Variants in TRAPPC9 observed in about 807,000 individuals in gnomAD.
TRAPPC9 encodes IKK2 binding protein.
TRAPPC9 carries 83 observed loss-of-function variants against 124.0 expected under a neutral mutation model. That is an observed-to-expected ratio of 0.67 (90% CI 0.56 to 0.80). TRAPPC9 has a LOEUF of 0.80. Ranked by LOEUF, TRAPPC9 falls within the 30% of genes least tolerant of loss-of-function variation. The pLI is 0.00. For synonymous variants in TRAPPC9, 638 were observed against 617.5 expected (o/e 1.03, Z -0.49); for missense variants, 1,302 against 1,508.3 (o/e 0.86, Z 2.27).
chr8:140,403,887 A>C (rs1433487754), intron 6 of TRAPPC9, among the ~76,000 whole-genome samples: 2 of 151,930 alleles, frequency 1.3e-5, no homozygotes, highest in East Asian at 3.9e-4. Context: ...CAAACTCCTG[A>C]GCTCAGGCAA....
intron 21 of TRAPPC9, among the ~76,000 whole-genome samples, chr8:139,813,780 G>A (rs1174365535): frequency 6.6e-6 from 1 of 152,236 alleles, no homozygotes; most frequent in Non-Finnish European, 1.5e-5. Flanking sequence ...GCCCTAAGGA[G>A]CCCACAGAAT....
intron 21 of TRAPPC9, among the ~76,000 whole-genome samples, chr8:139,769,456 G>A (rs1170927660): frequency 6.6e-6 from 1 of 152,206 alleles, no homozygotes; most frequent in Non-Finnish European, 1.5e-5. Context: ...TGACGGGCAA[G>A]ATGTCACCAT....
At chr8:139,976,787 G>A (rs566255227) in intron 19 of TRAPPC9, among the ~76,000 whole-genome samples, 4 of 152,352 alleles carry the variant, frequency 2.6e-5, no homozygotes, top group Middle Eastern at 3.4e-3. Context: ...CGCCTTCTGC[G>A]GGGATACTGG....
intron 21 of TRAPPC9, among the ~76,000 whole-genome samples, chr8:139,814,228 T>C (rs1824659859): frequency 6.6e-6 from 1 of 152,232 alleles, no homozygotes; most frequent in Non-Finnish European, 1.5e-5. Context: ...GGGAGAATTA[T>C]GTCTGCTGGG....
chr8:139,872,260 GTGGATGGATGGA>G lies in TRAPPC9; in HGVS notation c.3055+13607_3055+13618del, dbSNP rs755108818. 3.1e-5 allele frequency among the ~76,000 whole-genome samples: 4 copies of G among 128,542 alleles called. No individual in the cohort carries two copies. In the South Asian group the frequency reaches 1.1e-3, roughly 37 times the overall value. The allele number at this position is 128,542 out of a possible 152,430, so 84.3% of individuals were successfully genotyped here. On this transcript the variant is annotated intron_variant, in intron 21 of 22. Transcript: ENST00000438773. ...GGTTGGTGTGTAAATGGTTGGATGA[GTGGATGGATGGA>G]TGGATGGATGGATGGGCGGGCTGGT... is the stretch of plus-strand genomic sequence containing the variant.
intron 19 of TRAPPC9, among the ~76,000 whole-genome samples, chr8:139,954,185 T>G (rs1834836740): frequency 6.6e-6 from 1 of 152,192 alleles, no homozygotes; most frequent in Non-Finnish European, 1.5e-5. Context: ...TTGGGGGTGA[T>G]GAATATGCTC....
At chr8:140,202,564 C>T (rs1359893983) in intron 17 of TRAPPC9, among the ~76,000 whole-genome samples, 1 of 152,056 alleles carries the variant, frequency 6.6e-6, no homozygotes, top group African/African-American at 2.4e-5. Context: ...AGAGAAAAAC[C>T]TTTCATAGAA....
At chr8:139,948,966 G>C (rs1834455642) in intron 19 of TRAPPC9, among the ~76,000 whole-genome samples, 2 of 152,116 alleles carry the variant, frequency 1.3e-5, no homozygotes, top group Admixed American at 1.3e-4. Context: ...CCAGCTAATT[G>C]GGAGGCTGAG....
intron 15 of TRAPPC9, 38 bp downstream of exon 15, chr8:140,275,620 C>G: frequency 1.2e-6 from 2 of 1,605,366 alleles, no homozygotes; most frequent in Non-Finnish European, 8.5e-7. Context: ...GTAAACAATA[C>G]AAACATTCCC....
At position 139,956,436 on chromosome 8, in the gene TRAPPC9, C is replaced by T. The variant is rs200816589; in HGVS notation, c.2810+32290G>A. Among the ~76,000 whole-genome samples, 43 of 152,286 alleles carry T rather than the reference C, an allele frequency of 2.8e-4. 1 individual carries two copies. In the East Asian group the frequency reaches 7.7e-3, roughly 27 times the overall value. On this transcript the variant is annotated intron_variant, in intron 19 of 22. Transcript: ENST00000438773. ...TCAACCTCCCAAAGTGCTGGGATTA[C>T]AGGCGTGAGCCACCGCGCCCGGCCC...
intron 10 of TRAPPC9, among the ~76,000 whole-genome samples, chr8:140,303,430 A>G (rs552360286): frequency 6.6e-6 from 1 of 152,348 alleles, no homozygotes; most frequent in South Asian, 2.1e-4. Flanking sequence ...GGCCTGATAG[A>G]CTACTGTTGG....
At chr8:140,145,351 G>A (rs1238570763) in intron 17 of TRAPPC9, among the ~76,000 whole-genome samples, 3 of 151,674 alleles carry the variant, frequency 2.0e-5, no homozygotes, top group Non-Finnish European at 2.9e-5. Context: ...GATGGCAGAC[G>A]TCCTTGTCTT....
intron 1 of TRAPPC9, among the ~76,000 whole-genome samples, chr8:140,454,661 C>CA (rs2071589325): frequency 1.2e-5 from 1 of 85,144 alleles, no homozygotes; most frequent in African/African-American, 4.5e-5. Flanking sequence ...AAAAAAAAAA[C>CA]ACAACCTGAC....
At chr8:140,178,134 T>A (rs1356205323) in intron 17 of TRAPPC9, among the ~76,000 whole-genome samples, 1 of 152,164 alleles carries the variant, frequency 6.6e-6, no homozygotes, top group Non-Finnish European at 1.5e-5. Flanking sequence ...TTGTTCCTTA[T>A]GGCACTAACT....
At chr8:140,009,498 C>T (rs1838978844) in intron 18 of TRAPPC9, among the ~76,000 whole-genome samples, 1 of 152,182 alleles carries the variant, frequency 6.6e-6, no homozygotes, top group South Asian at 2.1e-4. Flanking sequence ...CTACCATCTT[C>T]CCCTTCTCAC....
chr8:139,996,822 C>A (rs899464256), intron 18 of TRAPPC9, among the ~76,000 whole-genome samples: 4 of 152,164 alleles, frequency 2.6e-5, no homozygotes, highest in Non-Finnish European at 5.9e-5. Context: ...TCATTGCAAC[C>A]TCTGCCTCCC....
chr8:139,741,837 C>T (rs569053586), intron 21 of TRAPPC9, among the ~76,000 whole-genome samples: 2 of 152,310 alleles, frequency 1.3e-5, no homozygotes, highest in African/African-American at 4.8e-5. Context: ...ACCCGTGCTG[C>T]AGCATGGGTC....
chr8:140,276,274 C>G (rs2065115595), intron 14 of TRAPPC9, among the ~76,000 whole-genome samples: 1 of 152,204 alleles, frequency 6.6e-6, no homozygotes, highest in Admixed American at 6.5e-5. Flanking sequence ...CAGCTGCTAA[C>G]ATAGAGCTGA....
At chr8:139,892,710 G>C (rs1036912931) in intron 20 of TRAPPC9, among the ~76,000 whole-genome samples, 2 of 152,168 alleles carry the variant, frequency 1.3e-5, no homozygotes, top group African/African-American at 2.4e-5. Context: ...AACCACTCTG[G>C]CTTTCCTCCG....
Sources: allele counts gnomAD v4.1 joint callset (sites outside exome capture counted in the v4.1 genomes callset), GRCh38; gene constraint gnomAD v4.1.1; transcripts MANE v1.5; gene names NCBI Gene and HGNC (gene_info 2026-07-23, HGNC 2026-07-21).